UTS2: variants seen among roughly 807,000 people sequenced by gnomAD.
UTS2 encodes the protein urotensin 2, also known as urotensin-2.
A neutral mutation model predicts 12.6 loss-of-function variants in UTS2; 10 were observed. The ratio of observed to expected loss-of-function variants is 0.80; its 90% CI spans 0.49 to 1.35. UTS2 has a LOEUF of 1.35. Among genes scored for constraint, UTS2 ranks in the 40% most tolerant of loss-of-function variants. The probability of loss-of-function intolerance (pLI) is 0.00; values close to 1 mark genes in which losing one functional copy is unlikely to be tolerated. For synonymous variants in UTS2, 52 were observed against 50.0 expected (o/e 1.04, Z -0.17); for missense variants, 142 against 143.2 (o/e 0.99, Z 0.04).
chr1:7,885,130 T>TCCATC, the UTS2 span, among the ~76,000 whole-genome samples: 11 of 150,322 alleles, frequency 7.3e-5, no homozygotes, highest in African/African-American at 2.0e-4. Flanking sequence ...CACCCACCTA[T>TCCATC]CATCCATCCA....
the UTS2 span, among the ~76,000 whole-genome samples, chr1:7,890,025 C>CCGCT: frequency 6.6e-6 from 1 of 151,372 alleles, no homozygotes. Context: ...GGAGATCGCG[C>CCGCT]CGCTGCACTC....
the UTS2 span, among the ~76,000 whole-genome samples, chr1:7,907,728 G>GT: frequency 4.0e-5 from 6 of 151,344 alleles, no homozygotes; most frequent in Admixed American, 6.6e-5. Context: ...GAGATTTTTT[G>GT]TTTTTTAGAC....
At chr1:7,859,601 T>C in the UTS2 span, among the ~76,000 whole-genome samples, 4,949 of 152,280 alleles carry the variant, frequency 0.032, 263 homozygotes, top group African/African-American at 0.11. Context: ...GCCTGAGCCA[T>C]GCGCCCAGCA....
chr1:7,886,528 G>A, the UTS2 span, among the ~76,000 whole-genome samples: 1 of 152,130 alleles, frequency 6.6e-6, no homozygotes, highest in African/African-American at 2.4e-5. Context: ...ATGAGCTTAC[G>A]GGAGCGGGTT....
the UTS2 span, among the ~76,000 whole-genome samples, chr1:7,896,758 C>T: frequency 6.6e-6 from 1 of 151,392 alleles, no homozygotes; most frequent in South Asian, 2.1e-4. Flanking sequence ...TGCAGTGGTG[C>T]AATCTCAGCT....
chr1:7,898,615 A>G, the UTS2 span, among the ~76,000 whole-genome samples: 5 of 151,934 alleles, frequency 3.3e-5, no homozygotes, highest in African/African-American at 4.8e-5. Flanking sequence ...AGCTGAGACT[A>G]CAGGTGCCTG....
chr1:7,880,807 A>G, the UTS2 span, among the ~76,000 whole-genome samples: 1 of 152,216 alleles, frequency 6.6e-6, no homozygotes, highest in East Asian at 1.9e-4. Context: ...CAAGGCCAGC[A>G]TTACCCTGAT....
the UTS2 span, among the ~76,000 whole-genome samples, chr1:7,906,459 G>GAAAGAAAGAA: frequency 9.7e-6 from 1 of 103,270 alleles, no homozygotes; most frequent in South Asian, 3.4e-4. Flanking sequence ...GAGAAAGAAA[G>GAAAGAAAGAA]AAAGAAAGAA....
the UTS2 span, among the ~76,000 whole-genome samples, chr1:7,900,973 G>A: frequency 6.6e-6 from 1 of 152,156 alleles, no homozygotes; most frequent in African/African-American, 2.4e-5. Flanking sequence ...TACCTGGAAA[G>A]TCATCCAGGT....
chr1:7,863,011 T>G, the UTS2 span, among the ~76,000 whole-genome samples: 8 of 21,174 alleles, frequency 3.8e-4, no homozygotes, highest in African/African-American at 4.7e-4. Context: ...TTGTATTGTA[T>G]TGTATTGTAT....
chr1:7,894,582 C>A, the UTS2 span, among the ~76,000 whole-genome samples: 1 of 152,178 alleles, frequency 6.6e-6, no homozygotes, highest in Non-Finnish European at 1.5e-5. Flanking sequence ...CACTGCCCAA[C>A]CCCCCGGCCC....
At chr1:7,871,412 C>T in the UTS2 span, among the ~76,000 whole-genome samples, 2 of 152,164 alleles carry the variant, frequency 1.3e-5, no homozygotes, top group Admixed American at 1.3e-4. Flanking sequence ...CCTCCCAGGC[C>T]CCCTGCCCAG....
chr1:7,898,208 G>A, the UTS2 span, among the ~76,000 whole-genome samples: 1 of 152,064 alleles, frequency 6.6e-6, no homozygotes, highest in African/African-American at 2.4e-5. Context: ...TAAAATATAA[G>A]TGGCGATTGT....
the UTS2 span, among the ~76,000 whole-genome samples, chr1:7,894,325 C>A: frequency 1.3e-5 from 2 of 151,944 alleles, no homozygotes; most frequent in African/African-American, 4.8e-5. Context: ...AGGCCCCCAC[C>A]ACTACATCCA....
the UTS2 span, among the ~76,000 whole-genome samples, chr1:7,912,979 G>A: frequency 1.5e-5 from 2 of 137,144 alleles, no homozygotes; most frequent in Non-Finnish European, 3.1e-5. Context: ...TAAAATGCAA[G>A]TATAGCTTTT....
the UTS2 span, among the ~76,000 whole-genome samples, chr1:7,879,407 GACCACT>G: frequency 6.6e-6 from 1 of 152,054 alleles, no homozygotes; most frequent in East Asian, 1.9e-4. Flanking sequence ...GCTCCTGAGT[GACCACT>G]AGGACAAGCA....
the UTS2 span, among the ~76,000 whole-genome samples, chr1:7,865,931 T>C: frequency 6.6e-6 from 1 of 152,002 alleles, no homozygotes; most frequent in Non-Finnish European, 1.5e-5. Flanking sequence ...TGAGACCCCG[T>C]CTCAAATAAA....
At chr1:7,890,230 G>T in the UTS2 span, among the ~76,000 whole-genome samples, 1 of 151,570 alleles carries the variant, frequency 6.6e-6, no homozygotes, top group Non-Finnish European at 1.5e-5. Flanking sequence ...TCAACCACAA[G>T]AATTATTTTC....
chr1:7,851,218 C>T (rs1343805164), intron 1 of UTS2, among the ~76,000 whole-genome samples: 1 of 152,220 alleles, frequency 6.6e-6, no homozygotes, highest in African/African-American at 2.4e-5. Flanking sequence ...TTCTCAAAAC[C>T]ATTTTGGTTC....
Sources: allele counts gnomAD v4.1 joint callset (sites outside exome capture counted in the v4.1 genomes callset), GRCh38; gene constraint gnomAD v4.1.1; transcripts MANE v1.5; gene names NCBI Gene and HGNC (gene_info 2026-07-23, HGNC 2026-07-21).